ABCC5: variants seen among roughly 807,000 people sequenced by gnomAD.
ABCC5 encodes the protein ATP binding cassette subfamily C member 5.
Under a neutral mutation model 160.9 loss-of-function variants are expected in ABCC5, and 61 were observed. The observed-to-expected ratio is 0.38, with a 90% CI of 0.31 to 0.47. ABCC5 has a LOEUF of 0.47. Among genes scored for constraint, ABCC5 ranks in the 20% least tolerant of loss-of-function variants. The pLI, the probability that ABCC5 is intolerant of heterozygous loss-of-function variation, is 0.99. For synonymous variants in ABCC5, 666 were observed against 700.6 expected, an observed-to-expected ratio of 0.95 and a Z score of 0.78; for missense variants, 1,308 against 1,813.3, an observed-to-expected ratio of 0.72 and a Z score of 5.06.
intron 17 of ABCC5, among the ~76,000 whole-genome samples, chr3:183,956,247 C>T (rs1158851690): frequency 6.8e-6 from 1 of 147,078 alleles, no homozygotes; most frequent in Middle Eastern, 4.0e-3. Context: ...CATGCAGATC[C>T]GTGTGTAAAT....
intron 15 of ABCC5, among the ~76,000 whole-genome samples, chr3:183,962,853 G>A (rs1303390813): frequency 1.3e-5 from 2 of 152,116 alleles, no homozygotes; most frequent in Non-Finnish European, 2.9e-5. Flanking sequence ...TGAATCTGCT[G>A]ATGGAGCCAC....
chr3:183,995,293 A>C (rs944694286), intron 2 of ABCC5, among the ~76,000 whole-genome samples: 2 of 152,284 alleles, frequency 1.3e-5, no homozygotes, highest in East Asian at 3.9e-4. Flanking sequence ...GTAATTTTGA[A>C]GTCTAATTTA....
chr3:183,988,860 G>A lies in ABCC5; in HGVS notation c.288-133C>T. ...TCCCCAGATGATCTAATCTTAGCCT[G>A]AATGTTCTAAAACGGCTTTGATGGG... On this transcript the variant is annotated intron_variant, in intron 3 of 29. Coordinates refer to ENST00000334444, the MANE Select transcript of ABCC5 (RefSeq NM_005688.4). The surrounding 1 kb of genome is among the most constrained non-coding windows in gnomAD (Gnocchi z 4.4). 8.9e-7 allele frequency: 1 copy of A among 1,129,520 alleles called. No homozygotes were observed. 70.0% of individuals were successfully genotyped at this position (1,129,520 alleles called of 1,614,324 possible). A position where few individuals can be genotyped will look rare whatever the true frequency, so the allele number is the denominator to read the frequency against.
At chr3:183,956,296 T>G (rs13077275) in intron 17 of ABCC5, among the ~76,000 whole-genome samples, 257 of 121,188 alleles carry the variant, frequency 2.1e-3, no homozygotes, top group Middle Eastern at 6.3e-3. Context: ...ATATCACATC[T>G]GTTACATGCA....
intron 27 of ABCC5, among the ~76,000 whole-genome samples, chr3:183,928,098 AAT>A (rs1002596922): frequency 6.7e-6 from 1 of 150,292 alleles, no homozygotes; most frequent in African/African-American, 2.5e-5. Context: ...CTGCAGACTC[AAT>A]ATGTTATGTA....
rs1246054146 is a variant in ABCC5 at position 183,963,065 on chromosome 3, C to G, written c.2235+320G>C. The stretch of plus-strand genomic sequence containing the variant: ...AAAAGCTTGTTTTCCCAAAACAGTT[C>G]CCACTTGCATAGAGATGTTAACACA... On this transcript the variant is annotated intron_variant, in intron 15 of 29. Transcript: ENST00000334444. This position sits in a 1 kb window ranked among gnomAD's most constrained non-coding sequence, Gnocchi z 4.6. 4.6e-5 allele frequency among the ~76,000 whole-genome samples: 7 copies of G among 152,172 alleles called. No homozygotes were observed. The highest frequency in any genetic ancestry group is 1.0e-4 in the Non-Finnish European group (7 of 68,024).
chr3:183,984,944 T>C, intron 5 of ABCC5: 1 of 1,492,122 alleles, frequency 6.7e-7, no homozygotes, highest in Non-Finnish European at 9.0e-7. Flanking sequence ...CCCATACCTT[T>C]AGAGTGCCAT....
chr3:183,938,576 C>T (rs1026480005), intron 25 of ABCC5, among the ~76,000 whole-genome samples: 3 of 152,248 alleles, frequency 2.0e-5, no homozygotes, highest in South Asian at 4.1e-4. Context: ...GGATTACAGG[C>T]GTGAGCCACC....
rs770414487 is a variant in ABCC5, at chr3:183,971,618, A to G, written c.1706T>C (p.Leu569Pro). 1 of 1,614,128 alleles carries G rather than the reference A, an allele frequency of 6.2e-7. No individual in the cohort carries two copies. The highest frequency in any genetic ancestry group is 8.5e-7 in the Non-Finnish European group (1 of 1,180,008). ...TGTCCTCTGTAAGCGCAGGTGGCCC[A>G]GGTGGATGTGCTTGCCTTCTTCCTC... ...PEEEEGKHIH[L>P]GHLRLQRTLH... Residue 569 changes from leucine (L) to proline (P), a missense_variant, in exon 11 of 30, where the codon CTG (leucine) becomes CCG (proline). This residue lies in a region of ABCC5 where 1,142 missense variants were observed against 1,527.1 expected (regional missense o/e 0.75). Transcript: ENST00000334444.
rs1715135605 is a variant in ABCC5 at position 183,949,382 on chromosome 3, G to A, written c.3227+371C>T. Among the ~76,000 whole-genome samples the A allele has an allele frequency of 6.6e-6, 1 of 152,178 alleles. No individual in the cohort carries two copies. The highest frequency in any genetic ancestry group is 2.1e-4 in the South Asian group (1 of 4,828). On this transcript the variant is annotated intron_variant, in intron 22 of 29. Coordinates refer to ENST00000334444, the MANE Select transcript of ABCC5 (RefSeq NM_005688.4). This position sits in a 1 kb window ranked among gnomAD's most constrained non-coding sequence, Gnocchi z 4.2. ...TGAAATATAGCTTTTCAGGGCCAAGGCCAATAGACTCCTAATCTGTGGGGT... is the reference window on the plus strand; with the variant it reads ...TGAAATATAGCTTTTCAGGGCCAAGACCAATAGACTCCTAATCTGTGGGGT...
intron 24 of ABCC5, 142 bp downstream of exon 24, chr3:183,945,708 G>A (rs1032668978): frequency 3.0e-5 from 21 of 707,484 alleles, no homozygotes; most frequent in African/African-American, 2.8e-4. Flanking sequence ...TTCCAAGCAC[G>A]GTTGAGAGAT....
At chr3:183,994,027 A>G (rs1047293314) in intron 2 of ABCC5, among the ~76,000 whole-genome samples, 1 of 147,910 alleles carries the variant, frequency 6.8e-6, no homozygotes, top group African/African-American at 2.5e-5. Context: ...GCAGTGGCGC[A>G]ATCTTGGCTC....
intron 27 of ABCC5, 48 bp from the exon 28 acceptor site, chr3:183,927,491 AT>A: frequency 6.4e-7 from 1 of 1,565,912 alleles, no homozygotes; most frequent in Non-Finnish European, 8.7e-7. Context: ...ACTAAGCTGA[AT>A]TTCCTGAAAA....
intron 25 of ABCC5, among the ~76,000 whole-genome samples, chr3:183,941,730 A>C (rs886562222): frequency 6.6e-6 from 1 of 152,154 alleles, no homozygotes; most frequent in African/African-American, 2.4e-5. Context: ...CACACCTGTA[A>C]TCCCAGCACT....
chr3:184,000,280 C>T (rs942417481), intron 2 of ABCC5, among the ~76,000 whole-genome samples: 1 of 151,608 alleles, frequency 6.6e-6, no homozygotes, highest in Non-Finnish European at 1.5e-5. Context: ...GACCATCGGG[C>T]TGAAGTGAGC....
At position 183,961,615 on chromosome 3, in the gene ABCC5, C is replaced by T. The variant is rs771292367; in HGVS notation, c.2275G>A (p.Gly759Ser). 1 of 1,614,172 alleles carries T rather than the reference C, an allele frequency of 6.2e-7. No individual in the cohort carries two copies. The change falls in exon 16 of 30, where the codon GGC (glycine) becomes AGC (serine). Residue 759 changes from glycine (G) to serine (S), a missense_variant. Physicochemically the swap from Gly to Ser is moderately conservative, Grantham distance 56. This residue lies in a region of ABCC5 where 1,142 missense variants were observed against 1,527.1 expected (regional missense o/e 0.75). Transcript: ENST00000334444. Reference protein sequence around the residue: ...DCDEVIFMKEGCITERGTHEE... With the variant: ...DCDEVIFMKESCITERGTHEE... ...TGGGTGCCTCTTTCCGTAATACAGC[C>T]CTCTTTCATGAAGATCACTTCATCA...
chr3:184,012,434 G>A (rs1037850416), intron 2 of ABCC5, among the ~76,000 whole-genome samples: 1 of 152,136 alleles, frequency 6.6e-6, no homozygotes, highest in South Asian at 2.1e-4. Flanking sequence ...TATTTTATAT[G>A]TATTATCTCA....
chr3:183,991,021 T>G (rs1719714820), intron 2 of ABCC5, among the ~76,000 whole-genome samples: 1 of 152,132 alleles, frequency 6.6e-6, no homozygotes, highest in African/African-American at 2.4e-5. Context: ...AAAACAGATC[T>G]CAGCTGGGCA....
In ABCC5 at chr3:183,961,530, C is replaced by T. The variant is rs1716735893; in HGVS notation, c.2360G>A (p.Gly787Glu). 4 of 1,614,044 alleles carry T rather than the reference C, an allele frequency of 2.5e-6. No homozygotes were observed. The highest frequency in any genetic ancestry group is 3.4e-6 in the Non-Finnish European group (4 of 1,180,022). ...YATIFNNLLL[G>E]ETPPVEINSK... ...TCTTACCTCAACTGGCGGTGTCTCT[C>T]CCAGCAACAGGTTATTAAAAATGGT... is the stretch of plus-strand genomic sequence containing the variant. Residue 787 changes from glycine (G) to glutamate (E), a missense_variant, in exon 16 of 30, where the codon GGA becomes GAA. Gly to Glu is a moderately conservative substitution (Grantham distance 98, BLOSUM62 -2). Transcript: ENST00000334444.
Sources: allele counts gnomAD v4.1 joint callset (sites outside exome capture counted in the v4.1 genomes callset), GRCh38; gene constraint gnomAD v4.1.1; regional missense constraint gnomAD v4.1.1; non-coding constraint Gnocchi (gnomAD v3.1); transcripts MANE v1.5; gene names NCBI Gene and HGNC (gene_info 2026-07-23, HGNC 2026-07-21).